Variants in TENM4 observed in about 807,000 individuals in gnomAD.
TENM4 encodes the protein teneurin-4.
Under a neutral mutation model 243.3 loss-of-function variants are expected in TENM4, and 82 were observed. The observed-to-expected ratio is 0.34, with a 90% CI of 0.28 to 0.40. TENM4 has a LOEUF of 0.40. TENM4 is among the 10% of genes least tolerant of loss of function. TENM4 has a pLI of 1.00. For missense variants in TENM4, 3,138 were observed against 3,673.3 expected (o/e 0.85, Z 3.77); for synonymous variants, 1,412 against 1,456.3 (o/e 0.97, Z 0.69).
chr11:78,663,413 G>A (rs1858078597), intron 32 of TENM4, among the ~76,000 whole-genome samples: 1 of 152,136 alleles, frequency 6.6e-6, no homozygotes, highest in Admixed American at 6.5e-5. Context: ...CCTAATGGGG[G>A]GAGTTTGGGT....
intron 10 of TENM4, among the ~76,000 whole-genome samples, chr11:78,862,108 T>C (rs1404832493): frequency 6.6e-6 from 1 of 152,180 alleles, no homozygotes; most frequent in African/African-American, 2.4e-5. Flanking sequence ...TGATAGGAAA[T>C]ATCCATGTCT....
At chr11:78,855,570 C>G (rs1858661970) in intron 11 of TENM4, among the ~76,000 whole-genome samples, 1 of 152,170 alleles carries the variant, frequency 6.6e-6, no homozygotes, top group African/African-American at 2.4e-5. Context: ...TTACCGGCAT[C>G]TTATAGATGA....
intron 3 of TENM4, among the ~76,000 whole-genome samples, chr11:79,177,758 G>A (rs1041889466): frequency 3.9e-5 from 6 of 152,152 alleles, no homozygotes; most frequent in South Asian, 2.1e-4. Context: ...TGCCTGGCAC[G>A]TAGGAGGGGC....
chr11:78,894,392 G>T (rs952990812), intron 7 of TENM4, among the ~76,000 whole-genome samples: 3 of 152,156 alleles, frequency 2.0e-5, no homozygotes, highest in Non-Finnish European at 4.4e-5. Context: ...CAGAGAAAAA[G>T]ACATAAAGGA....
chr11:79,392,176 G>A (rs1426100222), intron 1 of TENM4, among the ~76,000 whole-genome samples: 1 of 152,194 alleles, frequency 6.6e-6, no homozygotes, highest in Non-Finnish European at 1.5e-5. Context: ...ATGGAGCTGG[G>A]TCTCAGAGCG....
chr11:79,438,883 G>A lies in TENM4; in HGVS notation c.-321+1626C>T, dbSNP rs1264623507. On this transcript the variant is annotated intron_variant, in intron 1 of 33. Transcript: ENST00000278550. The surrounding 1 kb of genome is among the most constrained non-coding windows in gnomAD (Gnocchi z 4.1). ...GGGGACAGCAGCATCAGCACCCGAC[G>A]CCCATCGCACAAGTGGGCGCCGTGG... is the stretch of plus-strand genomic sequence containing the variant. The A allele has an allele frequency of 6.6e-6, 1 of 152,012 alleles. No individual in the cohort carries two copies. Among genetic ancestry groups the A allele is most frequent in the Non-Finnish European group, 1.5e-5 (1 of 68,030 alleles). The allele number at this position is 152,012 out of a possible 1,614,324, so 9.4% of individuals were successfully genotyped here. A position where few individuals can be genotyped will look rare whatever the true frequency, so the allele number is the denominator to read the frequency against.
intron 1 of TENM4, among the ~76,000 whole-genome samples, chr11:79,426,595 G>A (rs1192371767): frequency 3.9e-5 from 6 of 152,224 alleles, no homozygotes; most frequent in South Asian, 2.1e-4. Flanking sequence ...AGAGTGGTCC[G>A]CTGTGAGGTT....
chr11:78,885,440 A>AG (rs1855529451), intron 9 of TENM4, among the ~76,000 whole-genome samples: 1 of 152,230 alleles, frequency 6.6e-6, no homozygotes, highest in African/African-American at 2.4e-5. Flanking sequence ...CTCAGGCCAG[A>AG]GCAGCCAAGT....
At chr11:79,229,621 C>G (rs1864337518) in intron 2 of TENM4, among the ~76,000 whole-genome samples, 1 of 152,144 alleles carries the variant, frequency 6.6e-6, no homozygotes, top group Non-Finnish European at 1.5e-5. Context: ...TCTTAACCAC[C>G]CTGCTTACCA....
At chr11:79,428,108 G>T (rs1859093251) in intron 1 of TENM4, among the ~76,000 whole-genome samples, 1 of 152,228 alleles carries the variant, frequency 6.6e-6, no homozygotes, top group African/African-American at 2.4e-5. Context: ...TAGACTGGCG[G>T]CATCAACATC....
In TENM4 at chr11:79,074,454, G is replaced by A. The variant is rs138343928; in HGVS notation, c.-65-4445C>T. 4.6e-4 allele frequency among the ~76,000 whole-genome samples: 70 copies of A among 152,212 alleles called. No individual in the cohort carries two copies. The East Asian group carries it at 8.3e-3, about 18-fold the overall frequency. On this transcript the variant is annotated intron_variant, in intron 4 of 33. Coordinates refer to ENST00000278550, the MANE Select transcript of TENM4 (RefSeq NM_001098816.3). Reference sequence around the variant, plus strand: ...ACATGGCACATATCCATGCCTAAACGTGTTCGCTCCCTCCTTACCCACCAA... The same window carrying A: ...ACATGGCACATATCCATGCCTAAACATGTTCGCTCCCTCCTTACCCACCAA...
At chr11:79,133,470 G>A (rs1386939701) in intron 4 of TENM4, among the ~76,000 whole-genome samples, 1 of 152,022 alleles carries the variant, frequency 6.6e-6, no homozygotes, top group African/African-American at 2.4e-5. Flanking sequence ...CCACAAGATC[G>A]AGAAAGAAGG....
At chr11:78,855,079 A>C (rs78307024) in intron 11 of TENM4, among the ~76,000 whole-genome samples, 28,054 of 152,004 alleles carry the variant, frequency 0.18, 3,950 homozygotes, top group African/African-American at 0.4. Flanking sequence ...TAGCTTTAAA[A>C]ACCAAACAAG....
At chr11:79,381,057 C>A (rs999328591) in intron 1 of TENM4, among the ~76,000 whole-genome samples, 2 of 152,068 alleles carry the variant, frequency 1.3e-5, no homozygotes, top group Non-Finnish European at 2.9e-5. Flanking sequence ...TCTCTAGATC[C>A]TCCGAGGCCT....
chr11:79,167,349 A>G (rs1034974030), intron 3 of TENM4, among the ~76,000 whole-genome samples: 1 of 152,204 alleles, frequency 6.6e-6, no homozygotes, highest in Admixed American at 6.5e-5. Flanking sequence ...CTGAGGTAGG[A>G]CAGAGATGAT....
intron 6 of TENM4, among the ~76,000 whole-genome samples, chr11:78,949,840 A>C (rs1565139977): frequency 6.6e-6 from 1 of 152,178 alleles, no homozygotes; most frequent in Non-Finnish European, 1.5e-5. Context: ...AAGCTAGGAA[A>C]GCACAGTACA....
At chr11:79,079,650 T>C (rs1860616116) in intron 4 of TENM4, among the ~76,000 whole-genome samples, 1 of 151,914 alleles carries the variant, frequency 6.6e-6, no homozygotes, top group South Asian at 2.1e-4. Context: ...GCCAATGTGG[T>C]GAAACCCATC....
At chr11:79,067,604 A>T (rs1412014965) in intron 5 of TENM4, among the ~76,000 whole-genome samples, 1 of 149,092 alleles carries the variant, frequency 6.7e-6, no homozygotes, top group African/African-American at 2.5e-5. Flanking sequence ...GTGAGTTAAG[A>T]CATCTCGGGA....
At chr11:79,116,412 A>T (rs865970962) in intron 4 of TENM4, among the ~76,000 whole-genome samples, 18 of 152,348 alleles carry the variant, frequency 1.2e-4, no homozygotes, top group Middle Eastern at 3.4e-3. Flanking sequence ...TTAACCACTG[A>T]CAGATGCCAA....
Sources: gnomAD v4.1 joint callset for allele counts (sites outside exome capture counted in the v4.1 genomes callset) on GRCh38, gnomAD v4.1.1 for gene constraint, Gnocchi (gnomAD v3.1) non-coding constraint, MANE v1.5 for transcripts, NCBI Gene and HGNC (gene_info 2026-07-23, HGNC 2026-07-21) for gene names.